The following JAZF1 variants were observed in gnomAD, a reference collection of about 807,000 sequenced individuals.
The protein encoded by JAZF1 is JAZF zinc finger 1, also known as juxtaposed with another zinc finger protein 1.
In JAZF1, 8 loss-of-function variants were observed where a neutral mutation model predicts 26.4. That is an observed-to-expected ratio of 0.30 (90% CI 0.18 to 0.55). The LOEUF (loss-of-function observed/expected upper bound fraction) is 0.55. Among genes scored for constraint, JAZF1 ranks in the 20% least tolerant of loss-of-function variants. The probability of loss-of-function intolerance (pLI) is 0.94; values close to 1 mark genes in which losing one functional copy is unlikely to be tolerated. For missense variants in JAZF1, 199 were observed against 322.0 expected, an observed-to-expected ratio of 0.62 and a Z score of 2.92; for synonymous variants, 126 against 122.3, an observed-to-expected ratio of 1.03 and a Z score of -0.20.
intron 4 of JAZF1, among the ~76,000 whole-genome samples, chr7:27,839,386 A>G (rs1228656241): frequency 6.6e-6 from 1 of 152,164 alleles, no homozygotes; most frequent in Non-Finnish European, 1.5e-5. Flanking sequence ...CAAATCAAGA[A>G]AGAAGGAAAA....
chr7:28,110,555 G>GA (rs1273256590), intron 1 of JAZF1, among the ~76,000 whole-genome samples: 88 of 118,276 alleles, frequency 7.4e-4, no homozygotes, highest in Non-Finnish European at 7.8e-4. Flanking sequence ...AAAGGAAAAG[G>GA]AAAGGGAAAG....
At chr7:27,988,336 C>T (rs1422067119) in intron 2 of JAZF1, among the ~76,000 whole-genome samples, 1 of 151,812 alleles carries the variant, frequency 6.6e-6, no homozygotes, top group Non-Finnish European at 1.5e-5. Flanking sequence ...CAAATCTGTA[C>T]CCACATCTCT....
intron 3 of JAZF1, among the ~76,000 whole-genome samples, chr7:27,887,652 G>A (rs1783891588): frequency 6.6e-6 from 1 of 152,126 alleles, no homozygotes; most frequent in Admixed American, 6.6e-5. Flanking sequence ...CTGACCTCAG[G>A]GGATCTGTCC....
In JAZF1 at chr7:27,832,242, T is replaced by C; in HGVS notation, c.*558A>G. 1 of 211,852 alleles carries C rather than the reference T, an allele frequency of 4.7e-6. No individual in the cohort carries two copies. The highest frequency in any genetic ancestry group is 9.6e-6 in the Non-Finnish European group (1 of 104,294). The allele number at this position is 211,852 out of a possible 1,614,324, so 13.1% of individuals were successfully genotyped here. A position where few individuals can be genotyped will look rare whatever the true frequency, so the allele number is the denominator to read the frequency against. ...CACCTTTACGTATGTTATTTAAATA[T>C]GAAAATATTTTTAGCATATTATGTT... On this transcript the variant is annotated 3_prime_UTR_variant, in exon 5 of 5. Coordinates refer to ENST00000283928, the MANE Select transcript of JAZF1 (RefSeq NM_175061.4).
chr7:27,949,840 C>G (rs1784981198), intron 2 of JAZF1, among the ~76,000 whole-genome samples: 1 of 152,176 alleles, frequency 6.6e-6, no homozygotes, highest in Non-Finnish European at 1.5e-5. Flanking sequence ...CGTTAAAAAG[C>G]TGCCTCTCAC....
intron 1 of JAZF1, among the ~76,000 whole-genome samples, chr7:28,076,064 T>C (rs1784046912): frequency 6.6e-6 from 1 of 152,230 alleles, no homozygotes; most frequent in Non-Finnish European, 1.5e-5. Context: ...CTAGACTTGG[T>C]TTAACTCAAA....
At chr7:27,955,006 C>T (rs1486677171) in intron 2 of JAZF1, among the ~76,000 whole-genome samples, 1 of 152,188 alleles carries the variant, frequency 6.6e-6, no homozygotes, top group African/African-American at 2.4e-5. Flanking sequence ...GATCCACCTG[C>T]CTCGGCCTCC....
chr7:28,081,596 G>C (rs963754805), intron 1 of JAZF1, among the ~76,000 whole-genome samples: 14 of 152,186 alleles, frequency 9.2e-5, no homozygotes, highest in African/African-American at 3.4e-4. Context: ...GTGAGCCTGG[G>C]GCATTGTAGC....
chr7:28,085,283 T>C (rs886264914), intron 1 of JAZF1, among the ~76,000 whole-genome samples: 3 of 152,342 alleles, frequency 2.0e-5, no homozygotes, highest in Non-Finnish European at 4.4e-5. Context: ...AGAATGATTT[T>C]TTAAATATCT....
At chr7:28,016,421 CAT>C (rs1421075693) in intron 1 of JAZF1, among the ~76,000 whole-genome samples, 4 of 152,200 alleles carry the variant, frequency 2.6e-5, no homozygotes, top group East Asian at 1.9e-4. Flanking sequence ...CGGCTGCCCA[CAT>C]GTTTCTGAGG....
chr7:27,924,033 A>G (rs1784573633), intron 2 of JAZF1, among the ~76,000 whole-genome samples: 1 of 152,146 alleles, frequency 6.6e-6, no homozygotes, highest in African/African-American at 2.4e-5. Flanking sequence ...GGGGACGGGG[A>G]CTGAAAATGG....
chr7:27,938,936 T>G (rs926227649), intron 2 of JAZF1, among the ~76,000 whole-genome samples: 2 of 152,138 alleles, frequency 1.3e-5, no homozygotes, highest in African/African-American at 4.8e-5. Context: ...CCACCATGGC[T>G]GGCCATAATG....
intron 3 of JAZF1, among the ~76,000 whole-genome samples, chr7:27,878,231 T>C (rs1337561257): frequency 2.0e-5 from 3 of 152,192 alleles, no homozygotes; most frequent in Admixed American, 1.3e-4. Context: ...GCTTGGACTG[T>C]GGTACTGTTT....
intron 1 of JAZF1, among the ~76,000 whole-genome samples, chr7:28,013,469 G>C (rs906257904): frequency 6.6e-6 from 1 of 152,198 alleles, no homozygotes; most frequent in East Asian, 1.9e-4. Context: ...GCGGGGGTTG[G>C]GGGGGTAGGG....
chr7:28,152,372 T>C (rs1241891699), intron 1 of JAZF1, among the ~76,000 whole-genome samples: 4 of 152,206 alleles, frequency 2.6e-5, no homozygotes, highest in African/African-American at 9.7e-5. Flanking sequence ...TTACTACTCA[T>C]GAAACCCTGA....
intron 1 of JAZF1, among the ~76,000 whole-genome samples, chr7:28,092,290 CAA>C (rs749913273): frequency 3.1e-4 from 4 of 12,802 alleles, no homozygotes; most frequent in African/African-American, 8.6e-4. Flanking sequence ...GGACAAAAGG[CAA>C]AAAAAAAAAA....
intron 1 of JAZF1, among the ~76,000 whole-genome samples, chr7:27,995,307 C>T (rs989812265): frequency 4.6e-5 from 7 of 152,202 alleles, no homozygotes; most frequent in Non-Finnish European, 1.0e-4. Flanking sequence ...TTCATAGCCA[C>T]ATGAGGCTCC....
chr7:28,071,705 A>G (rs1783981330), intron 1 of JAZF1: 2 of 456,350 alleles, frequency 4.4e-6, no homozygotes, highest in Non-Finnish European at 9.0e-6. Context: ...AGGTGATGAC[A>G]AAAATATGCT....
chr7:27,969,864 G>A (rs569141901), intron 2 of JAZF1, among the ~76,000 whole-genome samples: 2 of 152,152 alleles, frequency 1.3e-5, no homozygotes, highest in African/African-American at 2.4e-5. Context: ...GCAGTATGGC[G>A]AGAAATCATC....
Sources: allele counts gnomAD v4.1 joint callset (sites outside exome capture counted in the v4.1 genomes callset), GRCh38; gene constraint gnomAD v4.1.1; transcripts MANE v1.5; gene names NCBI Gene and HGNC (gene_info 2026-07-23, HGNC 2026-07-21).